The following TTBK2 variants were observed in gnomAD, a reference collection of about 807,000 sequenced individuals.
The protein encoded by TTBK2 is tau-tubulin kinase 2.
A neutral mutation model predicts 110.8 loss-of-function variants in TTBK2; 28 were observed. The ratio of observed to expected loss-of-function variants is 0.25; its 90% CI spans 0.19 to 0.35. The LOEUF (loss-of-function observed/expected upper bound fraction) is 0.35, where lower values mean the gene tolerates loss of function less well. Ranked by LOEUF, TTBK2 falls within the 10% of genes least tolerant of loss-of-function variation. The pLI is 1.00. For missense variants in TTBK2, 1,369 were observed against 1,500.3 expected, an observed-to-expected ratio of 0.91 and a Z score of 1.45; for synonymous variants, 532 against 527.3, an observed-to-expected ratio of 1.01 and a Z score of -0.12.
chr15:42,842,323 G>A (rs974759531), intron 3 of TTBK2, among the ~76,000 whole-genome samples: 2 of 152,164 alleles, frequency 1.3e-5, no homozygotes, highest in Non-Finnish European at 2.9e-5. Flanking sequence ...AACACTTTAT[G>A]AGGGCAGAAG....
chr15:42,920,235 G>A (rs1428512646), intron 1 of TTBK2, among the ~76,000 whole-genome samples: 2 of 152,192 alleles, frequency 1.3e-5, no homozygotes, highest in African/African-American at 2.4e-5. Flanking sequence ...GGCAGCCTTC[G>A]GGGAAATCGG....
rs537595830 is a variant in TTBK2, at chr15:42,882,236, A to C, written c.-67-3552T>G. On this transcript the variant is annotated intron_variant, in intron 1 of 14. Transcript: ENST00000267890. ...TAAGCACAACACACACACACACACA[A>C]AAACAACTCTTAAACATATCATAAC... is the stretch of plus-strand genomic sequence containing the variant. Among the ~76,000 whole-genome samples, 59 of 151,988 alleles carry C rather than the reference A, an allele frequency of 3.9e-4. 1 individual carries two copies. The highest frequency in any genetic ancestry group is 2.8e-4 in the Non-Finnish European group (19 of 67,938).
chr15:42,825,801 G>A (rs987513966), intron 6 of TTBK2, among the ~76,000 whole-genome samples: 1 of 152,158 alleles, frequency 6.6e-6, no homozygotes, highest in African/African-American at 2.4e-5. Flanking sequence ...TGTAGCTAGT[G>A]GCTACCATAT....
intron 7 of TTBK2, among the ~76,000 whole-genome samples, chr15:42,815,958 A>AAAATATATATAT (rs71108183): frequency 0.01 from 958 of 91,658 alleles, 41 homozygotes; most frequent in African/African-American, 0.03. Context: ...TTAAAAAAAA[A>AAAATATATATAT]ATATATATAT....
chr15:42,878,569 C>G lies in TTBK2; in HGVS notation c.49G>C (p.Val17Leu). The G allele has an allele frequency of 1.2e-6, 2 of 1,613,540 alleles. No individual in the cohort carries two copies. Among genetic ancestry groups the G allele is most frequent in the Non-Finnish European group, 1.7e-6 (2 of 1,179,948 alleles). The change falls in exon 2 of 15, where the codon GTG becomes CTG. Residue 17 changes from valine (V) to leucine (L), a missense_variant. Physicochemically the swap from Val to Leu is conservative, Grantham distance 32 (BLOSUM62 1). Transcript: ENST00000267890. Reference protein sequence around the residue: ...QLDILSVGILVKERWKVLRKI... With the variant: ...QLDILSVGILLKERWKVLRKI... Reference sequence around the variant, plus strand: ...CTCACCACTTTCCATCTTTCTTTCACTAGGATTCCAACACTCAGGATATCC... The same window carrying G: ...CTCACCACTTTCCATCTTTCTTTCAGTAGGATTCCAACACTCAGGATATCC...
intron 13 of TTBK2, among the ~76,000 whole-genome samples, chr15:42,770,162 G>T (rs1443557319): frequency 6.6e-6 from 1 of 151,876 alleles, no homozygotes; most frequent in Non-Finnish European, 1.5e-5. Flanking sequence ...GAGTTGATGG[G>T]TGCAGCACAC....
At chr15:42,781,693 T>C (rs927139118) in intron 11 of TTBK2, among the ~76,000 whole-genome samples, 2 of 152,162 alleles carry the variant, frequency 1.3e-5, no homozygotes, top group Non-Finnish European at 2.9e-5. Context: ...GATTTTCCTG[T>C]TGTCTTTATG....
intron 3 of TTBK2, among the ~76,000 whole-genome samples, chr15:42,868,510 T>C (rs1220023013): frequency 1.3e-5 from 2 of 152,120 alleles, no homozygotes; most frequent in African/African-American, 4.8e-5. Flanking sequence ...AACCTAAAAC[T>C]GCTCTTTTTA....
chr15:42,782,835 C>T (rs973709840), intron 11 of TTBK2, among the ~76,000 whole-genome samples: 1 of 152,162 alleles, frequency 6.6e-6, no homozygotes, highest in African/African-American at 2.4e-5. Flanking sequence ...CATTCTCTCG[C>T]ATACACGGAT....
chr15:42,809,667 A>G (rs1891616419), intron 9 of TTBK2, among the ~76,000 whole-genome samples: 1 of 152,238 alleles, frequency 6.6e-6, no homozygotes, highest in South Asian at 2.1e-4. Context: ...AATTTGTTAG[A>G]CAGTCCCTAT....
intron 7 of TTBK2, 51 bp from the exon 8 acceptor site, chr15:42,811,831 C>T: frequency 6.5e-7 from 1 of 1,530,762 alleles, no homozygotes; most frequent in South Asian, 1.1e-5. Context: ...CTTGTGAGTA[C>T]ATTACATTGT....
At chr15:42,751,839 G>T in intron 14 of TTBK2, 135 bp downstream of exon 14, 1 of 1,094,770 alleles carries the variant, frequency 9.1e-7, no homozygotes, top group Non-Finnish European at 1.4e-6. Context: ...GCACTAGGCT[G>T]TAAGGCCTGG....
intron 10 of TTBK2, among the ~76,000 whole-genome samples, chr15:42,789,835 T>G (rs1890570917): frequency 8.6e-6 from 1 of 116,676 alleles, no homozygotes; most frequent in Non-Finnish European, 1.9e-5. Context: ...TGTGCATATA[T>G]ATATACAAAT....
chr15:42,793,515 G>A (rs1402547556), intron 10 of TTBK2, among the ~76,000 whole-genome samples: 1 of 152,052 alleles, frequency 6.6e-6, no homozygotes, highest in Non-Finnish European at 1.5e-5. Flanking sequence ...AATAGCCACT[G>A]CACTCCAGCT....
At chr15:42,872,858 CTGT>C in intron 2 of TTBK2, 100 bp from the exon 3 acceptor site, 4 of 1,386,652 alleles carry the variant, frequency 2.9e-6, no homozygotes, top group South Asian at 1.4e-5. Flanking sequence ...ATTTTATAAT[CTGT>C]TTTTTGATAA....
At chr15:42,889,208 C>T (rs1895360570) in intron 1 of TTBK2, among the ~76,000 whole-genome samples, 1 of 152,312 alleles carries the variant, frequency 6.6e-6, no homozygotes, top group East Asian at 1.9e-4. Flanking sequence ...ACATCAAGCT[C>T]AGGGATTTGC....
chr15:42,756,067 G>A (rs2061941197), intron 13 of TTBK2, among the ~76,000 whole-genome samples: 1 of 151,768 alleles, frequency 6.6e-6, no homozygotes, highest in Admixed American at 6.6e-5. Flanking sequence ...TATGGTGGTG[G>A]GCGCCTGTAA....
chr15:42,880,236 A>G (rs1047179878), intron 1 of TTBK2, among the ~76,000 whole-genome samples: 1 of 152,180 alleles, frequency 6.6e-6, no homozygotes, highest in Non-Finnish European at 1.5e-5. Flanking sequence ...TGAATGAATG[A>G]TATCACTTCA....
At chr15:42,900,072 C>T (rs1179270406) in intron 1 of TTBK2, among the ~76,000 whole-genome samples, 1 of 151,710 alleles carries the variant, frequency 6.6e-6, no homozygotes, top group Non-Finnish European at 1.5e-5. Context: ...CGGCTCACTG[C>T]ACCTCCACCG....
Sources: gnomAD v4.1 joint callset for allele counts (sites outside exome capture counted in the v4.1 genomes callset) on GRCh38, gnomAD v4.1.1 for gene constraint, MANE v1.5 for transcripts, NCBI Gene and HGNC (gene_info 2026-07-23, HGNC 2026-07-21) for gene names.